RIN2: variants seen among roughly 807,000 people sequenced by gnomAD.
RIN2 encodes the protein Ras and Rab interactor 2.
In RIN2, 36 loss-of-function variants were observed where a neutral mutation model predicts 78.0. The observed-to-expected ratio is 0.46, with a 90% CI of 0.35 to 0.61. The LOEUF (loss-of-function observed/expected upper bound fraction) is 0.61. RIN2 is among the 20% of genes least tolerant of loss of function. The pLI is 0.00. For missense variants in RIN2, 1,087 were observed against 1,159.7 expected, an observed-to-expected ratio of 0.94 and a Z score of 0.91; for synonymous variants, 466 against 466.8, an observed-to-expected ratio of 1.00 and a Z score of 0.02.
intron 1 of RIN2, among the ~76,000 whole-genome samples, chr20:19,777,013 G>A (rs1254419245): frequency 6.6e-6 from 1 of 152,196 alleles, no homozygotes; most frequent in African/African-American, 2.4e-5. Context: ...ATATTTTACA[G>A]AGTTGGACTC....
At chr20:19,828,882 C>T (rs2036173363) in intron 2 of RIN2, among the ~76,000 whole-genome samples, 3 of 152,078 alleles carry the variant, frequency 2.0e-5, no homozygotes, top group Admixed American at 6.6e-5. Context: ...CCGGCTACGT[C>T]GTCTGAGGCT....
intron 1 of RIN2, among the ~76,000 whole-genome samples, chr20:19,779,464 A>G (rs1361225170): frequency 1.3e-5 from 2 of 152,192 alleles, no homozygotes; most frequent in Non-Finnish European, 2.9e-5. Flanking sequence ...GGCACGGGTC[A>G]CTAGAACTGT....
intron 3 of RIN2, among the ~76,000 whole-genome samples, chr20:19,931,672 A>G (rs1475448780): frequency 1.3e-5 from 2 of 148,918 alleles, no homozygotes; most frequent in Middle Eastern, 3.3e-3. Flanking sequence ...GCATGGTTTT[A>G]AACTTCACAT....
intron 11 of RIN2, among the ~76,000 whole-genome samples, chr20:19,995,158 C>G (rs2042914169): frequency 6.6e-6 from 1 of 150,980 alleles, no homozygotes; most frequent in Non-Finnish European, 1.5e-5. Context: ...ATGAATAAAG[C>G]TAAATACTTT....
At chr20:19,889,828 C>CG (rs2038364008) in intron 3 of RIN2, among the ~76,000 whole-genome samples, 170 bp downstream of exon 3, 1 of 152,098 alleles carries the variant, frequency 6.6e-6, no homozygotes, top group Non-Finnish European at 1.5e-5. Context: ...TAACAGGTTG[C>CG]GGGGTCTGTG....
intron 2 of RIN2, among the ~76,000 whole-genome samples, chr20:19,852,407 C>T (rs1418985152): frequency 6.6e-6 from 1 of 152,164 alleles, no homozygotes; most frequent in African/African-American, 2.4e-5. Flanking sequence ...ATATTGCAGA[C>T]TAGAAAGCTC....
chr20:19,882,949 A>T (rs2038070156), intron 2 of RIN2, among the ~76,000 whole-genome samples: 1 of 152,232 alleles, frequency 6.6e-6, no homozygotes. Flanking sequence ...TTATGTTATC[A>T]GTAAGGCTTC....
chr20:19,783,484 G>C (rs772701956), intron 1 of RIN2, among the ~76,000 whole-genome samples: 2 of 119,758 alleles, frequency 1.7e-5, no homozygotes, highest in Non-Finnish European at 3.5e-5. Context: ...AGCTGGGGCT[G>C]TCTCTGACCT....
At chr20:19,893,038 A>G (rs115262977) in intron 3 of RIN2, among the ~76,000 whole-genome samples, 3,862 of 152,314 alleles carry the variant, frequency 0.025, 178 homozygotes, top group African/African-American at 0.089. Flanking sequence ...TAAAGATATT[A>G]ATCAAATAAT....
intron 2 of RIN2, among the ~76,000 whole-genome samples, chr20:19,875,749 C>T (rs1166190427): frequency 1.3e-5 from 2 of 152,016 alleles, no homozygotes; most frequent in African/African-American, 4.8e-5. Flanking sequence ...AATCACTCAA[C>T]ACGTTCCCAG....
intron 4 of RIN2, among the ~76,000 whole-genome samples, chr20:19,951,735 G>A (rs2041324884): frequency 6.6e-6 from 1 of 152,184 alleles, no homozygotes; most frequent in Non-Finnish European, 1.5e-5. Flanking sequence ...GCGAGGCTCA[G>A]AAAGGGACCT....
intron 3 of RIN2, chr20:19,895,864 G>A (rs2038697064): frequency 6.6e-5 from 10 of 152,218 alleles, no homozygotes; most frequent in Admixed American, 6.5e-4. Flanking sequence ...TGAACCAGTG[G>A]GTGATGATTC....
At chr20:19,766,051 G>A (rs1444980590) in intron 1 of RIN2, among the ~76,000 whole-genome samples, 3 of 152,128 alleles carry the variant, frequency 2.0e-5, no homozygotes, top group Non-Finnish European at 2.9e-5. Context: ...TCAGTCCTGT[G>A]AGGTCTGATG....
intron 2 of RIN2, among the ~76,000 whole-genome samples, chr20:19,855,240 C>T (rs2037126912): frequency 6.6e-6 from 1 of 152,082 alleles, no homozygotes; most frequent in Non-Finnish European, 1.5e-5. Flanking sequence ...CCCACTTGAT[C>T]TTGGTGGATA....
chr20:19,935,639 A>G (rs117990687), intron 4 of RIN2: 9,957 of 988,470 alleles, frequency 0.01, 70 homozygotes, highest in Non-Finnish European at 0.011. Flanking sequence ...TCTCCAAAAA[A>G]CCATTAACCT....
At chr20:19,817,141 A>C (rs1478672637) in intron 2 of RIN2, among the ~76,000 whole-genome samples, 1 of 152,238 alleles carries the variant, frequency 6.6e-6, no homozygotes, top group Non-Finnish European at 1.5e-5. Flanking sequence ...CAGAAGTTGC[A>C]ACACGTGTGT....
At position 19,996,779 on chromosome 20, in the gene RIN2, C is replaced by T. The variant is rs948251846; in HGVS notation, c.2301C>T (p.Thr767=). 2 of 1,612,008 alleles carry T rather than the reference C, an allele frequency of 1.2e-6. No individual in the cohort carries two copies. The highest frequency in any genetic ancestry group is 2.7e-5 in the African/African-American group (2 of 74,802). ...ARLLSSETRD[T]LRQWHKRRTT... is the part of the protein sequence containing the mutation. ...TGCTCAGCTCAGAAACCAGAGACACCCTGAGGCAGTGGCACAAACGGAGAA... is the reference window on the plus strand; with the variant it reads ...TGCTCAGCTCAGAAACCAGAGACACTCTGAGGCAGTGGCACAAACGGAGAA... Residue 767 remains threonine (T), a synonymous_variant, in exon 12 of 13, where the codon ACC becomes ACT. Transcript: ENST00000255006.
intron 3 of RIN2, among the ~76,000 whole-genome samples, chr20:19,908,516 AAG>A (rs2032039391): frequency 1.3e-5 from 2 of 151,712 alleles, no homozygotes; most frequent in African/African-American, 2.4e-5. Context: ...GAAAGAAAGA[AAG>A]AGTTTGGACA....
intron 9 of RIN2, among the ~76,000 whole-genome samples, chr20:19,987,558 G>C (rs2042659285): frequency 6.6e-6 from 1 of 152,150 alleles, no homozygotes; most frequent in Non-Finnish European, 1.5e-5. Context: ...CATAATATTA[G>C]TATTGTGCAA....
Sources: allele counts gnomAD v4.1 joint callset (sites outside exome capture counted in the v4.1 genomes callset), GRCh38; gene constraint gnomAD v4.1.1; transcripts MANE v1.5; gene names NCBI Gene and HGNC (gene_info 2026-07-23, HGNC 2026-07-21).